Variants in HSPA2 observed in about 807,000 individuals in gnomAD.
HSPA2 encodes the protein heat shock protein family A (Hsp70) member 2, also known as heat shock-related 70 kDa protein 2.
HSPA2 carries 13 observed loss-of-function variants against 35.0 expected under a neutral mutation model. The observed-to-expected ratio is 0.37, with a 90% confidence interval of 0.24 to 0.59. The LOEUF (loss-of-function observed/expected upper bound fraction) is 0.59. Among genes scored for constraint, HSPA2 ranks in the 20% least tolerant of loss-of-function variants. The pLI, the probability that HSPA2 is intolerant of heterozygous loss-of-function variation, is 0.70. For synonymous variants in HSPA2, 368 were observed against 382.1 expected (o/e 0.96, Z 0.43); for missense variants, 565 against 885.4 (o/e 0.64, Z 4.59).
upstream of HSPA2, among the ~76,000 whole-genome samples, chr14:64,539,622 G>A (rs1364280791): frequency 6.8e-6 from 1 of 148,006 alleles, no homozygotes; most frequent in East Asian, 1.9e-4. Flanking sequence ...CTCACGCGGC[G>A]CGGGAAAACG....
At chr14:64,540,657 T>G, upstream of HSPA2, 1 of 774,356 alleles carries the variant, frequency 1.3e-6, no homozygotes, top group Non-Finnish European at 2.0e-6. Context: ...GCTGGAAGAG[T>G]TTGTGAGGGC....
rs2080032605 is a variant in HSPA2 at position 64,541,627 on chromosome 14, A to C, written c.778A>C (p.Lys260Gln). ...GCACAAGAAGGACATTGGGCCCAAC[A>C]AGCGCGCCGTGAGGCGGCTGCGCAC... ...RKHKKDIGPN[K>Q]RAVRRLRTAC... The change falls in exon 1 of 1, where the codon AAG becomes CAG. Residue 260 changes from lysine to glutamine, a missense_variant. Coordinates refer to ENST00000247207, the MANE Select transcript of HSPA2 (RefSeq NM_021979.4). 5 of 1,611,346 alleles carry C rather than the reference A, an allele frequency of 3.1e-6. No individual in the cohort carries two copies. Among genetic ancestry groups the C allele is most frequent in the Non-Finnish European group, 4.2e-6 (5 of 1,179,838 alleles).
Position 64,541,903 on chromosome 14 carries a change from C to T in HSPA2, c.1054C>T (p.Leu352=). 1 of 1,613,618 alleles carries T rather than the reference C, an allele frequency of 6.2e-7. No homozygotes were observed. The highest frequency in any genetic ancestry group is 8.5e-7 in the Non-Finnish European group (1 of 1,180,034). The stretch of plus-strand genomic sequence containing the variant: ...CACTCGTATCCCCAAGATCCAGAAG[C>T]TGCTGCAGGATTTCTTCAACGGCAA... The part of the protein sequence containing the change: ...GSTRIPKIQK[L]LQDFFNGKEL... Residue 352 remains leucine (L), a synonymous_variant, in exon 1 of 1, where the codon CTG becomes TTG. Transcript: ENST00000247207.
In HSPA2 at chr14:64,542,816, CTTT is replaced by C. The variant is rs35270454; in HGVS notation, c.*54_*56del. 1.4e-5 allele frequency: 20 copies of C among 1,393,302 alleles called. No individual in the cohort carries two copies. The South Asian group carries it at 2.5e-4, about 18-fold the overall frequency. The allele number at this position is 1,393,302 out of a possible 1,614,324, so 86.3% of individuals were successfully genotyped here. ...AACCTCTTTGCCTTTCTCTCTCTCT[CTTT>C]TTTTTTGTTTGTTTCTTTGAAATGT... On this transcript the variant is annotated 3_prime_UTR_variant, in exon 1 of 1. Transcript: ENST00000247207. This position sits in a 1 kb window ranked among gnomAD's most constrained non-coding sequence, Gnocchi z 5.7.
At chr14:64,537,777 G>T (rs1159235962), upstream of HSPA2, among the ~76,000 whole-genome samples, 1 of 147,428 alleles carries the variant, frequency 6.8e-6, no homozygotes, top group Admixed American at 6.8e-5. Flanking sequence ...GCCCAGGCTG[G>T]AGTGCAGTGG....
In HSPA2 at chr14:64,541,598, G is replaced by GCAAGCA; in HGVS notation, c.754_759dup (p.His252_Lys253dup). 6.2e-7 allele frequency: 1 copy of GCAAGCA among 1,611,644 alleles called. No individual in the cohort carries two copies. The highest frequency in any genetic ancestry group is 8.5e-7 in the Non-Finnish European group (1 of 1,179,850). On this transcript the variant is annotated inframe_insertion, in exon 1 of 1. Coordinates refer to ENST00000247207, the MANE Select transcript of HSPA2 (RefSeq NM_021979.4). ...AGCCACCTGGCGGAGGAGTTCAAGC[G>GCAAGCA]CAAGCACAAGAAGGACATTGGGCCC...
upstream of HSPA2, chr14:64,535,973 AGT>A (rs893192888): frequency 1.4e-5 from 2 of 142,720 alleles, no homozygotes; most frequent in African/African-American, 5.1e-5. Flanking sequence ...GCCATATGGA[AGT>A]GTGAGTCCAC....
chr14:64,540,900 G>C lies in HSPA2; in HGVS notation c.51G>C (p.Ser17=), dbSNP rs767522207. 14 of 1,614,020 alleles carry C rather than the reference G, an allele frequency of 8.7e-6. No individual in the cohort carries two copies. Among genetic ancestry groups the C allele is most frequent in the South Asian group, 1.1e-5 (1 of 91,084 alleles). The change falls in exon 1 of 1, where the codon TCG becomes TCC. Residue 17 remains serine, a synonymous_variant. Coordinates refer to ENST00000247207, the MANE Select transcript of HSPA2 (RefSeq NM_021979.4). ...GCATCGACCTGGGCACCACCTATTC[G>C]TGCGTCGGGGTCTTCCAACATGGCA... ...AIGIDLGTTY[S]CVGVFQHGKV...
rs979766263 is a variant in HSPA2, at chr14:64,541,671, G to A, written c.822G>A (p.Lys274=). ...RRLRTACERA[K]RTLSSSTQAS... ...TGCGCACCGCTTGCGAGCGCGCCAAGCGCACCCTGAGCTCGTCCACGCAGG... is the reference window on the plus strand; with the variant it reads ...TGCGCACCGCTTGCGAGCGCGCCAAACGCACCCTGAGCTCGTCCACGCAGG... Residue 274 remains lysine (K), a synonymous_variant, in exon 1 of 1, where the codon AAG becomes AAA. Transcript: ENST00000247207. The A allele has an allele frequency of 8.1e-6, 13 of 1,611,712 alleles. No homozygotes were observed. Among genetic ancestry groups the A allele is most frequent in the African/African-American group, 4.0e-5 (3 of 74,944 alleles).
upstream of HSPA2, among the ~76,000 whole-genome samples, chr14:64,537,001 CTA>C (rs1437172867): frequency 6.6e-6 from 1 of 152,178 alleles, no homozygotes; most frequent in Non-Finnish European, 1.5e-5. Context: ...GCAAAAGAAA[CTA>C]TTCCTCTGAA....
Position 64,541,426 on chromosome 14 carries a change from G to A in HSPA2, c.577G>A (p.Gly193Ser), listed in dbSNP as rs576446580. 6.2e-6 allele frequency: 10 copies of A among 1,613,654 alleles called. No individual in the cohort carries two copies. Among genetic ancestry groups the A allele is most frequent in the Non-Finnish European group, 8.5e-6 (10 of 1,179,980 alleles). ...AYGLDKKGCA[G>S]GEKNVLIFDL... ...CGGCCTGGACAAGAAGGGCTGCGCGGGCGGCGAGAAGAACGTGCTCATCTT... is the reference window on the plus strand; with the variant it reads ...CGGCCTGGACAAGAAGGGCTGCGCGAGCGGCGAGAAGAACGTGCTCATCTT... The change falls in exon 1 of 1, where the codon GGC becomes AGC. Residue 193 changes from glycine to serine, a missense_variant. This residue lies in a region of HSPA2 where 183 missense variants were observed against 281.6 expected (regional missense o/e 0.65). Coordinates refer to ENST00000247207, the MANE Select transcript of HSPA2 (RefSeq NM_021979.4).
chr14:64,540,748 T>C lies in HSPA2; in HGVS notation c.-102T>C. The C allele has an allele frequency of 1.5e-5, 23 of 1,524,380 alleles. No homozygotes were observed. Among genetic ancestry groups the C allele is most frequent in the Admixed American group, 2.0e-5 (1 of 50,578 alleles). The allele number at this position is 1,524,380 out of a possible 1,614,324, so 94.4% of individuals were successfully genotyped here. A position where few individuals can be genotyped will look rare whatever the true frequency, so the allele number is the denominator to read the frequency against. On this transcript the variant is annotated 5_prime_UTR_variant, in exon 1 of 1. Coordinates refer to ENST00000247207, the MANE Select transcript of HSPA2 (RefSeq NM_021979.4). ...AACTGGGCGCGGGGAGCTGAGTTGCTGGTAGTGCCCGTGGTGCTTGGTTCG... is the reference window on the plus strand; with the variant it reads ...AACTGGGCGCGGGGAGCTGAGTTGCCGGTAGTGCCCGTGGTGCTTGGTTCG...
chr14:64,536,305 C>T (rs1240121587), upstream of HSPA2, among the ~76,000 whole-genome samples: 2 of 152,170 alleles, frequency 1.3e-5, no homozygotes, highest in African/African-American at 2.4e-5. Context: ...TCATCATATG[C>T]ATGTACTATA....
At chr14:64,539,912 C>G (rs189467549), upstream of HSPA2, among the ~76,000 whole-genome samples, 187 of 152,274 alleles carry the variant, frequency 1.2e-3, 3 homozygotes, top group African/African-American at 4.1e-3. Context: ...GATGTCTTAA[C>G]GTCGTGATCC....
chr14:64,538,091 G>A (rs1479399410), upstream of HSPA2, among the ~76,000 whole-genome samples: 5 of 152,260 alleles, frequency 3.3e-5, no homozygotes, highest in East Asian at 9.6e-4. Flanking sequence ...AAAGAGGATA[G>A]GAATTATGGT....
rs2080025229 is a variant in HSPA2, at chr14:64,541,028, T to A, written c.179T>A (p.Val60Glu). The change falls in exon 1 of 1, where the codon GTG becomes GAG. Residue 60 changes from valine (V) to glutamate (E), a missense_variant. This residue lies in a region of HSPA2 where 183 missense variants were observed against 281.6 expected (regional missense o/e 0.65). Coordinates refer to ENST00000247207, the MANE Select transcript of HSPA2 (RefSeq NM_021979.4). ...RLIGDAAKNQ[V>E]AMNPTNTIFD... is the part of the protein sequence containing the mutation. ...ATCGGCGACGCCGCCAAGAACCAGG[T>A]GGCCATGAACCCCACCAACACCATC... 6.2e-7 allele frequency: 1 copy of A among 1,613,960 alleles called. No homozygotes were observed. The highest frequency in any genetic ancestry group is 2.2e-5 in the East Asian group (1 of 44,866).
In HSPA2 at chr14:64,541,329, G is replaced by A. The variant is rs2080028816; in HGVS notation, c.480G>A (p.Lys160=). ...ACGACTCGCAGCGCCAGGCCACCAAGGACGCAGGCACCATCACGGGGCTCA... is the reference window on the plus strand; with the variant it reads ...ACGACTCGCAGCGCCAGGCCACCAAAGACGCAGGCACCATCACGGGGCTCA... ...YFNDSQRQAT[K]DAGTITGLNV... is the part of the protein sequence containing the mutation. The change falls in exon 1 of 1, where the codon AAG becomes AAA. Residue 160 remains lysine (K), a synonymous_variant. Coordinates refer to ENST00000247207, the MANE Select transcript of HSPA2 (RefSeq NM_021979.4). 6.2e-7 allele frequency: 1 copy of A among 1,613,660 alleles called. No individual in the cohort carries two copies. The highest frequency in any genetic ancestry group is 1.7e-5 in the Admixed American group (1 of 60,016).
upstream of HSPA2, among the ~76,000 whole-genome samples, chr14:64,540,042 A>T (rs8011038): frequency 0.64 from 96,390 of 151,756 alleles, 31,948 homozygotes; most frequent in East Asian, 0.86. Flanking sequence ...CCCACCATAA[A>T]ATCCCAGGAG....
upstream of HSPA2, among the ~76,000 whole-genome samples, chr14:64,538,016 C>T (rs187945230): frequency 1.3e-5 from 2 of 152,246 alleles, no homozygotes; most frequent in East Asian, 3.9e-4. Context: ...TGAGCCACCG[C>T]GTCCAGCCTT....
Sources: allele counts gnomAD v4.1 joint callset (sites outside exome capture counted in the v4.1 genomes callset), GRCh38; gene constraint gnomAD v4.1.1; regional missense constraint gnomAD v4.1.1; non-coding constraint Gnocchi (gnomAD v3.1); transcripts MANE v1.5; gene names NCBI Gene and HGNC (gene_info 2026-07-23, HGNC 2026-07-21).